The following TCHH variants were observed in gnomAD, a reference collection of about 807,000 sequenced individuals.
TCHH encodes the protein trichohyalin.
In TCHH, 6 loss-of-function variants were observed where a neutral mutation model predicts 6.3. The observed-to-expected ratio is 0.95, with a 90% CI of 0.52 to 1.88. The LOEUF (loss-of-function observed/expected upper bound fraction) is 1.88. TCHH is among the 40% of genes most tolerant of loss of function. TCHH has a pLI of 0.01. For synonymous variants in TCHH, 1,087 were observed against 963.6 expected (o/e 1.13, Z -2.37); for missense variants, 2,920 against 2,449.1 (o/e 1.19, Z -4.06).
At position 152,110,700 on chromosome 1, in the gene TCHH, C is replaced by G. The variant is rs1658307881; in HGVS notation, c.2517G>C (p.Gln839His). The change falls in exon 3 of 3, where the codon CAG (glutamine) becomes CAC (histidine). Residue 839 changes from glutamine (Q) to histidine (H), a missense_variant. Gln to His is a conservative substitution (Grantham distance 24). Transcript: ENST00000614923. ...GTTGGGCACGCTCCCGCCGCTGGAG[C>G]TGCTCCTCTTCCTCCAGGAACTGCA... is the stretch of plus-strand genomic sequence containing the variant. Reference protein sequence around the residue: ...KELQFLEEEEQLQRRERAQQL... With the variant: ...KELQFLEEEEHLQRRERAQQL... The G allele has an allele frequency of 1.2e-6, 2 of 1,612,532 alleles. No individual in the cohort carries two copies. The highest frequency in any genetic ancestry group is 1.3e-5 in the African/African-American group (1 of 75,052).
Position 152,109,514 on chromosome 1 carries a change from C to A in TCHH, c.3703G>T (p.Val1235Phe), listed in dbSNP as rs1159854033. 1 of 1,614,164 alleles carries A rather than the reference C, an allele frequency of 6.2e-7. No individual in the cohort carries two copies. The highest frequency in any genetic ancestry group is 8.5e-7 in the Non-Finnish European group (1 of 1,180,064). The change falls in exon 3 of 3, where the codon GTT becomes TTT. Residue 1235 changes from valine (V) to phenylalanine (F), a missense_variant. Transcript: ENST00000614923. ...TTGCAGTAAACCTTGTTATCACGAACTGCATTTTCTTTTTCTGGTTCCCAC... is the reference window on the plus strand; with the variant it reads ...TTGCAGTAAACCTTGTTATCACGAAATGCATTTTCTTTTTCTGGTTCCCAC... ...WQWEPEKENA[V>F]RDNKVYCKGR...
chr1:152,109,254 C>T lies in TCHH; in HGVS notation c.3963G>A (p.Leu1321=). 6.2e-7 allele frequency: 1 copy of T among 1,614,264 alleles called. No individual in the cohort carries two copies. The highest frequency in any genetic ancestry group is 2.2e-5 in the East Asian group (1 of 44,882). The change falls in exon 3 of 3, where the codon CTG becomes CTA. Residue 1321 remains leucine, a synonymous_variant. Coordinates refer to ENST00000614923, the MANE Select transcript of TCHH (RefSeq NM_007113.4). ...GTCTCTTCTCTTCTCTTTCCTCTCT[C>T]AGCAACTGCTTTTCCTCTTGGGACT... ...DRKSQEEKQL[L]REEREEKRRR...
Position 152,108,390 on chromosome 1 carries a change from G to A in TCHH, c.4827C>T (p.Gly1609=), listed in dbSNP as rs747815988. The A allele has an allele frequency of 5.0e-6, 8 of 1,602,480 alleles. No homozygotes were observed. Among genetic ancestry groups the A allele is most frequent in the Non-Finnish European group, 6.0e-6 (7 of 1,176,456 alleles). Residue 1609 remains glycine, a synonymous_variant, in exon 3 of 3, where the codon GGC becomes GGT. Transcript: ENST00000614923. ...EDEQQLRRQE[G]QQQLRQERDR... ...CGCGCTCCTGGCGCAGCTGTTGTTG[G>A]CCCTCCTGGCGGCGCAGCTGCTGTT...
In TCHH at chr1:152,111,197, G is replaced by C. The variant is rs762424221; in HGVS notation, c.2020C>G (p.Arg674Gly). 3.7e-6 allele frequency: 6 copies of C among 1,607,846 alleles called. No homozygotes were observed. In the Admixed American group the frequency reaches 1.0e-4, roughly 27 times the overall value. ...EEERLEQRLK[R>G]EHEEERREQE... ...TCGCGCCTCTCTTCCTCATGCTCGC[G>C]CTTCAGCCGCTGCTCGAGCCTCTCT... Residue 674 changes from arginine to glycine, a missense_variant, in exon 3 of 3, where the codon CGC becomes GGC. Coordinates refer to ENST00000614923, the MANE Select transcript of TCHH (RefSeq NM_007113.4).
chr1:152,111,194 C>A lies in TCHH; in HGVS notation c.2023G>T (p.Glu675Ter). The A allele has an allele frequency of 6.2e-7, 1 of 1,610,884 alleles. No homozygotes were observed. Among genetic ancestry groups the A allele is most frequent in the Non-Finnish European group, 8.5e-7 (1 of 1,178,996 alleles). ...EERLEQRLKR[E>*]HEEERREQEL... ...TGCTCGCGCCTCTCTTCCTCATGCTCGCGCTTCAGCCGCTGCTCGAGCCTC... is the reference window on the plus strand; with the variant it reads ...TGCTCGCGCCTCTCTTCCTCATGCTAGCGCTTCAGCCGCTGCTCGAGCCTC... Residue 675 changes from glutamate to a stop codon, truncating the protein, a stop_gained, in exon 3 of 3, where the codon GAG becomes TAG. Coordinates refer to ENST00000614923, the MANE Select transcript of TCHH (RefSeq NM_007113.4). LOFTEE classifies it low-confidence loss of function (END_TRUNC).
rs1557813042 is a variant in TCHH, at chr1:152,112,283, C to G, written c.934G>C (p.Glu312Gln). Residue 312 changes from glutamate to glutamine, a missense_variant, in exon 3 of 3, where the codon GAG becomes CAG. Physicochemically the swap from Glu to Gln is conservative, Grantham distance 29 (BLOSUM62 2). Transcript: ENST00000614923. The part of the protein sequence containing the change: ...REQQLRRKQE[E>Q]ERREQQEERR... ...TCCTCCTGCTGCTCGCGCCTCTCCTCCTCCTGCTTGCGCCTTAGTTGCTGC... is the reference window on the plus strand; with the variant it reads ...TCCTCCTGCTGCTCGCGCCTCTCCTGCTCCTGCTTGCGCCTTAGTTGCTGC... 3.1e-6 allele frequency: 5 copies of G among 1,599,438 alleles called. No homozygotes were observed. Among genetic ancestry groups the G allele is most frequent in the East Asian group, 2.3e-5 (1 of 44,114 alleles).
At position 152,109,893 on chromosome 1, in the gene TCHH, C is replaced by G; in HGVS notation, c.3324G>C (p.Arg1108Ser). The stretch of plus-strand genomic sequence containing the variant: ...GCAGCTCCTCTTCCTCCCGACATTG[C>G]CTCTCCCGCTCCTGGCGCCTTCTCT... ...PEKRRRQERE[R>S]QCREEEELQQ... The change falls in exon 3 of 3, where the codon AGG (arginine) becomes AGC (serine). Residue 1108 changes from arginine to serine, a missense_variant. Arg to Ser is a moderately radical substitution (Grantham distance 110). Coordinates refer to ENST00000614923, the MANE Select transcript of TCHH (RefSeq NM_007113.4). The G allele has an allele frequency of 1.3e-6, 2 of 1,589,054 alleles. No homozygotes were observed. Among genetic ancestry groups the G allele is most frequent in the Non-Finnish European group, 1.7e-6 (2 of 1,170,318 alleles).
In TCHH at chr1:152,108,299, C is replaced by T. The variant is rs1168763965; in HGVS notation, c.4918G>A (p.Glu1640Lys). Residue 1640 changes from glutamate to lysine, a missense_variant, in exon 3 of 3, where the codon GAG (glutamate) becomes AAG (lysine). By Grantham distance (56) the Glu-to-Lys change is moderately conservative (BLOSUM62 1). Coordinates refer to ENST00000614923, the MANE Select transcript of TCHH (RefSeq NM_007113.4). ...EREEQQLHRQERDRKFLEEEP... is the reference protein window; with the variant it reads ...EREEQQLHRQKRDRKFLEEEP... ...TCCTCGAGGAATTTTCTGTCACGCT[C>T]TTGGCGGTGCAGCTGCTGTTCTTCC... The T allele has an allele frequency of 1.2e-6, 2 of 1,611,096 alleles. No individual in the cohort carries two copies. Among genetic ancestry groups the T allele is most frequent in the Non-Finnish European group, 1.7e-6 (2 of 1,179,176 alleles).
Position 152,112,470 on chromosome 1 carries a change from G to T in TCHH, c.747C>A (p.Arg249=), listed in dbSNP as rs1250243343. 1 of 1,613,184 alleles carries T rather than the reference G, an allele frequency of 6.2e-7. No individual in the cohort carries two copies. Residue 249 remains arginine (R), a synonymous_variant, in exon 3 of 3, where the codon CGC becomes CGA. Coordinates refer to ENST00000614923, the MANE Select transcript of TCHH (RefSeq NM_007113.4). ...QEEEEKEWRK[R]ETVLRKEEEK... ...CTTCTTCCTTCCGGAGCACTGTCTC[G>T]CGCTTCCTCCACTCTTTCTCTTCTT... is the stretch of plus-strand genomic sequence containing the variant.
In TCHH at chr1:152,114,106, G is replaced by GT. The variant is rs1431440051; in HGVS notation, c.-27dup. The GT allele has an allele frequency of 6.3e-7, 1 of 1,592,420 alleles. No homozygotes were observed. Among genetic ancestry groups the GT allele is most frequent in the East Asian group, 2.2e-5 (1 of 44,746 alleles). On this transcript the variant is annotated 5_prime_UTR_variant, in exon 2 of 3. Coordinates refer to ENST00000614923, the MANE Select transcript of TCHH (RefSeq NM_007113.4). ...TTTTTTTTCTTTCCTTCAAGTTCAA[G>GT]TAAACCTAGAACAATAAAATAAGAT...
Position 152,107,321 on chromosome 1 carries a change from C to G in TCHH, c.*64G>C, listed in dbSNP as rs1658130905. 3 of 1,428,960 alleles carry G rather than the reference C, an allele frequency of 2.1e-6. No individual in the cohort carries two copies. The highest frequency in any genetic ancestry group is 1.8e-4 in the Middle Eastern group (1 of 5,438). The allele number at this position is 1,428,960 out of a possible 1,614,324, so 88.5% of individuals were successfully genotyped here. On this transcript the variant is annotated 3_prime_UTR_variant, in exon 3 of 3. Coordinates refer to ENST00000614923, the MANE Select transcript of TCHH (RefSeq NM_007113.4). ...GAAACATCTGAGTTATCACTTGGTA[C>G]CCAGTGTTTCTCATTTTCCCGTGCT...
chr1:152,114,127 A>G lies in TCHH; in HGVS notation c.-31-16T>C. ...TCAAGTAAACCTAGAACAATAAAATAAGATCCAGAATCAAAATCCCGTTTC... is the reference window on the plus strand; with the variant it reads ...TCAAGTAAACCTAGAACAATAAAATGAGATCCAGAATCAAAATCCCGTTTC... On this transcript the variant is annotated splice_polypyrimidine_tract_variant and intron_variant, in intron 1 of 2. Coordinates refer to ENST00000614923, the MANE Select transcript of TCHH (RefSeq NM_007113.4). 6.5e-7 allele frequency: 1 copy of G among 1,547,996 alleles called. No homozygotes were observed. The highest frequency in any genetic ancestry group is 8.7e-7 in the Non-Finnish European group (1 of 1,151,550).
In TCHH at chr1:152,109,845, C is replaced by G; in HGVS notation, c.3372G>C (p.Leu1124=). Residue 1124 remains leucine, a synonymous_variant, in exon 3 of 3, where the codon CTG becomes CTC. Coordinates refer to ENST00000614923, the MANE Select transcript of TCHH (RefSeq NM_007113.4). ...GCCTTCTCTTCTCCCGTTCCTCTCT[C>G]AGCAGCTGCTCTTCCTCCTGCTGCA... ...EELQQEEEQL[L]REEREKRRRQ... 2 of 1,610,388 alleles carry G rather than the reference C, an allele frequency of 1.2e-6. No individual in the cohort carries two copies. Among genetic ancestry groups the G allele is most frequent in the South Asian group, 2.2e-5 (2 of 90,754 alleles).
Position 152,113,002 on chromosome 1 carries a change from T to G in TCHH, c.215A>C (p.Asn72Thr). 1 of 1,614,096 alleles carries G rather than the reference T, an allele frequency of 6.2e-7. No individual in the cohort carries two copies. Among genetic ancestry groups the G allele is most frequent in the Non-Finnish European group, 8.5e-7 (1 of 1,180,030 alleles). The change falls in exon 3 of 3, where the codon AAC becomes ACC. Residue 72 changes from asparagine (N) to threonine (T), a missense_variant. Transcript: ENST00000614923. ...TTTGAAAATAAATAGGAGGAATTCGTTGAAATCGACACGCCCATTACTGTC... is the reference window on the plus strand; with the variant it reads ...TTTGAAAATAAATAGGAGGAATTCGGTGAAATCGACACGCCCATTACTGTC... ...DLDSNGRVDF[N>T]EFLLFIFKVA...
rs750887877 is a variant in TCHH at position 152,109,901 on chromosome 1, G to A, written c.3316C>T (p.Arg1106Trp). ...EEPEKRRRQE[R>W]ERQCREEEEL... The stretch of plus-strand genomic sequence containing the variant: ...TCTTCCTCCCGACATTGCCTCTCCC[G>A]CTCCTGGCGCCTTCTCTTCTCCGGT... The change falls in exon 3 of 3, where the codon CGG becomes TGG. Residue 1106 changes from arginine (R) to tryptophan (W), a missense_variant. Physicochemically the swap from Arg to Trp is moderately radical, Grantham distance 101. Transcript: ENST00000614923. 2 of 1,582,892 alleles carry A rather than the reference G, an allele frequency of 1.3e-6. No homozygotes were observed. Among genetic ancestry groups the A allele is most frequent in the East Asian group, 2.4e-5 (1 of 41,842 alleles).
chr1:152,110,500 AGCAGCT>A lies in TCHH; in HGVS notation c.2711_2716del (p.Gln904_Leu905del). ...CTGTAGCTCCTCCTCCTCCTCCTGC[AGCAGCT>A]GCTGTTCCTTCCTCAGCTGCTCTTG... On this transcript the variant is annotated inframe_deletion, in exon 3 of 3. Coordinates refer to ENST00000614923, the MANE Select transcript of TCHH (RefSeq NM_007113.4). 6.2e-7 allele frequency: 1 copy of A among 1,613,786 alleles called. No homozygotes were observed. The highest frequency in any genetic ancestry group is 2.2e-5 in the East Asian group (1 of 44,822).
At position 152,108,912 on chromosome 1, in the gene TCHH, C is replaced by T. The variant is rs779716516; in HGVS notation, c.4305G>A (p.Glu1435=). The T allele has an allele frequency of 4.4e-5, 71 of 1,613,486 alleles. No homozygotes were observed. Among genetic ancestry groups the T allele is most frequent in the Non-Finnish European group, 5.8e-5 (68 of 1,179,860 alleles). ...GTTCCTGGCGGCGCACCTGCTGTTC[C>T]TCTTCACGGAATTTTCTGTCACGCT... ...RQERDRKFRE[E]EQQVRRQERE... is the part of the protein sequence containing the mutation. The change falls in exon 3 of 3, where the codon GAG becomes GAA. Residue 1435 remains glutamate, a synonymous_variant. Transcript: ENST00000614923.
In TCHH at chr1:152,106,659, T is replaced by G. The variant is rs1294345583; in HGVS notation, c.*726A>C. ...ACTACAACAGACACAGTTTTAAAAT[T>G]TGAACTCTGAAGTTGAGAAACACCT... On this transcript the variant is annotated 3_prime_UTR_variant, in exon 3 of 3. Transcript: ENST00000614923. 1.3e-5 allele frequency: 2 copies of G among 152,174 alleles called. No individual in the cohort carries two copies. Among genetic ancestry groups the G allele is most frequent in the South Asian group, 2.1e-4 (1 of 4,826 alleles). The allele number at this position is 152,174 out of a possible 1,614,324, so 9.4% of individuals were successfully genotyped here.
Position 152,110,458 on chromosome 1 carries a change from T to G in TCHH, c.2759A>C (p.Lys920Thr), listed in dbSNP as rs1322296067. ...EEELQREEREKRRRQEQERQY... is the reference protein window; with the variant it reads ...EEELQREERETRRRQEQERQY... ...TCTCTCCTGTTCTTGGCGCCTTCTCTTCTCGCGCTCCTCTCTCTGTAGCTC... is the reference window on the plus strand; with the variant it reads ...TCTCTCCTGTTCTTGGCGCCTTCTCGTCTCGCGCTCCTCTCTCTGTAGCTC... Residue 920 changes from lysine (K) to threonine (T), a missense_variant, in exon 3 of 3, where the codon AAG becomes ACG. Lys to Thr is a moderately conservative substitution (Grantham distance 78, BLOSUM62 -1). Coordinates refer to ENST00000614923, the MANE Select transcript of TCHH (RefSeq NM_007113.4). 1.2e-6 allele frequency: 2 copies of G among 1,614,178 alleles called. No individual in the cohort carries two copies. Among genetic ancestry groups the G allele is most frequent in the Admixed American group, 3.3e-5 (2 of 60,020 alleles).
Sources: allele counts gnomAD v4.1 joint callset, GRCh38; gene constraint gnomAD v4.1.1; transcripts MANE v1.5; gene names NCBI Gene and HGNC (gene_info 2026-07-23, HGNC 2026-07-21).